Variants in ABCC4 observed in about 807,000 individuals in gnomAD.
The protein encoded by ABCC4 is ATP-binding cassette sub-family C member 4.
ABCC4 carries 102 observed loss-of-function variants against 168.5 expected under a neutral mutation model. The ratio of observed to expected loss-of-function variants is 0.61; its 90% confidence interval spans 0.52 to 0.71. ABCC4 has a LOEUF of 0.71. Among genes scored for constraint, ABCC4 ranks in the 30% least tolerant of loss-of-function variants. ABCC4 has a pLI of 0.00. For missense variants in ABCC4, 1,402 were observed against 1,605.8 expected (o/e 0.87, Z 2.17); for synonymous variants, 617 against 590.7 (o/e 1.04, Z -0.65).
intron 8 of ABCC4, among the ~76,000 whole-genome samples, chr13:95,199,648 A>G (rs1390775968): frequency 1.3e-5 from 2 of 152,116 alleles, no homozygotes; most frequent in African/African-American, 4.8e-5. Flanking sequence ...AATCTATCCA[A>G]GGCTGTCTAC....
intron 19 of ABCC4, among the ~76,000 whole-genome samples, chr13:95,124,185 G>A (rs1249845321): frequency 6.6e-6 from 1 of 152,194 alleles, no homozygotes; most frequent in Non-Finnish European, 1.5e-5. Context: ...GGGCACAAGT[G>A]CAGTTTGGAG....
intron 26 of ABCC4, among the ~76,000 whole-genome samples, chr13:95,054,417 G>A (rs917972695): frequency 2.0e-5 from 3 of 151,460 alleles, no homozygotes; most frequent in East Asian, 1.9e-4. Context: ...GTGCGGTGGC[G>A]GGCACCTGTA....
chr13:95,039,352 T>G (rs2032260287), intron 29 of ABCC4, among the ~76,000 whole-genome samples: 1 of 152,230 alleles, frequency 6.6e-6, no homozygotes. Flanking sequence ...ATTTACTGAT[T>G]TGACCAAAGA....
intron 20 of ABCC4, chr13:95,096,224 T>C: frequency 1.6e-6 from 1 of 614,612 alleles, no homozygotes; most frequent in South Asian, 2.0e-5. Flanking sequence ...TGGCAGCAGA[T>C]TGGGATAAGA....
chr13:95,292,586 G>T lies in ABCC4; in HGVS notation c.74+8655C>A, dbSNP rs368306550. Among the ~76,000 whole-genome samples the T allele has an allele frequency of 4.4e-4, 67 of 152,270 alleles. No homozygotes were observed. The South Asian group carries it at 0.014, about 32-fold the overall frequency. ...AAGTAAGTAAACACAAGTAGAAATT[G>T]CATGGAAAGAAAACTGTGGCTCAAT... On this transcript the variant is annotated intron_variant, in intron 1 of 30. Transcript: ENST00000645237.
chr13:95,240,619 G>A (rs1178938629), intron 3 of ABCC4, among the ~76,000 whole-genome samples: 1 of 152,058 alleles, frequency 6.6e-6, no homozygotes, highest in Non-Finnish European at 1.5e-5. Flanking sequence ...GAGTGGTCAT[G>A]AGTTGATAGT....
chr13:95,294,039 G>A (rs1311536280), intron 1 of ABCC4, among the ~76,000 whole-genome samples: 1 of 152,018 alleles, frequency 6.6e-6, no homozygotes, highest in Non-Finnish European at 1.5e-5. Context: ...GGCAGCCACT[G>A]TATCGTGCAA....
chr13:95,294,250 C>A (rs1036721102), intron 1 of ABCC4, among the ~76,000 whole-genome samples: 49 of 151,990 alleles, frequency 3.2e-4, no homozygotes, highest in Non-Finnish European at 1.3e-4. Flanking sequence ...ATCCCAGATA[C>A]TTGGGAGGAG....
At chr13:95,151,607 G>A (rs2036687310) in intron 19 of ABCC4, among the ~76,000 whole-genome samples, 1 of 145,914 alleles carries the variant, frequency 6.9e-6, no homozygotes, top group African/African-American at 2.7e-5. Flanking sequence ...AGGAGGAGAA[G>A]GAGAAGGAGA....
At chr13:95,104,703 G>A (rs764460820) in intron 20 of ABCC4, among the ~76,000 whole-genome samples, 3 of 152,166 alleles carry the variant, frequency 2.0e-5, no homozygotes, top group Non-Finnish European at 4.4e-5. Flanking sequence ...ACAAGGATAA[G>A]TAGCATGAAT....
At chr13:95,124,892 A>AT (rs1257111725) in intron 19 of ABCC4, among the ~76,000 whole-genome samples, 3 of 151,254 alleles carry the variant, frequency 2.0e-5, no homozygotes, top group African/African-American at 7.3e-5. Flanking sequence ...AAAAAATAAA[A>AT]TAAAATAAAA....
chr13:95,122,303 G>C (rs766209573), intron 19 of ABCC4, among the ~76,000 whole-genome samples: 2 of 152,048 alleles, frequency 1.3e-5, no homozygotes, highest in Admixed American at 6.6e-5. Context: ...CATCTTACGC[G>C]TATCTAAATA....
At chr13:95,117,966 T>C (rs2035437596) in intron 19 of ABCC4, among the ~76,000 whole-genome samples, 1 of 152,128 alleles carries the variant, frequency 6.6e-6, no homozygotes, top group Non-Finnish European at 1.5e-5. Context: ...ATCATTAGTA[T>C]GTGAAAACCA....
chr13:95,280,594 A>C (rs1165622581), intron 1 of ABCC4, among the ~76,000 whole-genome samples: 1 of 138,592 alleles, frequency 7.2e-6, no homozygotes, highest in African/African-American at 2.8e-5. Context: ...AAAAAAAAAA[A>C]CCATCCAATT....
In ABCC4 at chr13:95,034,770, A is replaced by C. The variant is rs777051259; in HGVS notation, c.3736-31T>G. On this transcript the variant is annotated intron_variant, in intron 29 of 30. Coordinates refer to ENST00000645237, the MANE Select transcript of ABCC4 (RefSeq NM_005845.5). ...AATCAGCAGAAAGAAACCCATTGAA[A>C]CACAATGTTTTGCAGTAACATATTA... The C allele has an allele frequency of 1.7e-5, 27 of 1,613,408 alleles. No homozygotes were observed. In the South Asian group the frequency reaches 2.5e-4, roughly 15 times the overall value.
At chr13:95,135,416 CTT>C (rs1226284769) in intron 19 of ABCC4, among the ~76,000 whole-genome samples, 16 of 138,816 alleles carry the variant, frequency 1.2e-4, no homozygotes, top group Admixed American at 2.2e-4. Context: ...GTCCATAATT[CTT>C]TTTTTTTTTT....
At chr13:95,143,649 A>G (rs1310645137) in intron 19 of ABCC4, among the ~76,000 whole-genome samples, 1 of 152,206 alleles carries the variant, frequency 6.6e-6, no homozygotes, top group Non-Finnish European at 1.5e-5. Flanking sequence ...ATGCCAAGGA[A>G]TAGCTATGGT....
intron 20 of ABCC4, 127 bp downstream of exon 20, chr13:95,115,795 C>G: frequency 1.4e-6 from 1 of 730,086 alleles, no homozygotes; most frequent in Non-Finnish European, 2.3e-6. Context: ...ACAAACATGG[C>G]CCTTTATTAA....
intron 19 of ABCC4, among the ~76,000 whole-genome samples, chr13:95,154,709 C>A (rs758565768): frequency 2.0e-5 from 3 of 152,206 alleles, no homozygotes; most frequent in African/African-American, 7.2e-5. Context: ...ATGCTACCTG[C>A]TCAGCAGAAT....
Sources: gnomAD v4.1 joint callset for allele counts (sites outside exome capture counted in the v4.1 genomes callset) on GRCh38, gnomAD v4.1.1 for gene constraint, MANE v1.5 for transcripts, NCBI Gene and HGNC (gene_info 2026-07-23, HGNC 2026-07-21) for gene names.